RUNX1: variants seen among roughly 807,000 people sequenced by gnomAD.
RUNX1 encodes the protein RUNX family transcription factor 1, also known as runt-related transcription factor 1.
A neutral mutation model predicts 42.8 loss-of-function variants in RUNX1; 19 were observed. That is an observed-to-expected ratio of 0.44 (90% CI 0.31 to 0.65). RUNX1 has a LOEUF of 0.65. Among genes scored for constraint, RUNX1 ranks in the 30% least tolerant of loss-of-function variants. The pLI, the probability that RUNX1 is intolerant of heterozygous loss-of-function variation, is 0.07. For synonymous variants in RUNX1, 271 were observed against 289.4 expected (o/e 0.94, Z 0.64); for missense variants, 528 against 672.0 (o/e 0.79, Z 2.37).
intron 2 of RUNX1, among the ~76,000 whole-genome samples, chr21:34,906,836 T>G (rs1353438948): frequency 6.6e-6 from 1 of 152,166 alleles, no homozygotes; most frequent in African/African-American, 2.4e-5. Flanking sequence ...AGAACCCAGA[T>G]AGATGGATAA....
intron 2 of RUNX1, among the ~76,000 whole-genome samples, chr21:34,983,082 G>C (rs1162315007): frequency 6.6e-6 from 1 of 152,158 alleles, no homozygotes; most frequent in Non-Finnish European, 1.5e-5. Flanking sequence ...ATGTCTGGTA[G>C]GTTACAAAGA....
chr21:34,941,158 C>T (rs190464129), intron 2 of RUNX1, among the ~76,000 whole-genome samples: 3 of 152,338 alleles, frequency 2.0e-5, no homozygotes, highest in African/African-American at 7.2e-5. Flanking sequence ...CCTTCGTCCA[C>T]GATTGTGACA....
chr21:34,856,396 T>C, intron 6 of RUNX1: 1 of 519,036 alleles, frequency 1.9e-6, no homozygotes, highest in Non-Finnish European at 3.8e-6. Context: ...GCCAATCATA[T>C]AAGCCAACTC....
At chr21:34,955,748 C>T (rs547494362) in intron 2 of RUNX1, among the ~76,000 whole-genome samples, 39 of 152,260 alleles carry the variant, frequency 2.6e-4, no homozygotes, top group Non-Finnish European at 4.0e-4. Context: ...GAATGGTGAC[C>T]ACCATGCCTG....
chr21:34,938,497 A>ATCC (rs1266432067), intron 2 of RUNX1, among the ~76,000 whole-genome samples: 1 of 151,688 alleles, frequency 6.6e-6, no homozygotes, highest in Non-Finnish European at 1.5e-5. Flanking sequence ...CTGCTCTGCA[A>ATCC]TCCTCCTCCT....
rs75561675 is a variant in RUNX1 at position 35,007,587 on chromosome 21, C to T, written c.58+41255G>A. Among the ~76,000 whole-genome samples the T allele has an allele frequency of 1.7e-4, 26 of 152,298 alleles. 1 individual carries two copies. The East Asian group carries it at 4.8e-3, about 28-fold the overall frequency. On this transcript the variant is annotated intron_variant, in intron 2 of 8. Transcript: ENST00000675419. ...TTTGTCTCCCTGCAGTGTTTCTCCT[C>T]CAGGATAGCAGCCCTTTTGGGTACC...
rs919478566 is a variant in RUNX1, at chr21:34,870,997, T to C, written c.508+9560A>G. Among the ~76,000 whole-genome samples the C allele has an allele frequency of 2.0e-5, 3 of 152,132 alleles. No homozygotes were observed. In the East Asian group the frequency reaches 5.8e-4, roughly 30 times the overall value. ...CAAAAAAACAAACAGTCCTGAACAG[T>C]CATTCATTCACAGACCATGTATCAG... On this transcript the variant is annotated intron_variant, in intron 5 of 8. Coordinates refer to ENST00000675419, the MANE Select transcript of RUNX1 (RefSeq NM_001754.5).
At chr21:34,969,693 A>G (rs1190292779) in intron 2 of RUNX1, among the ~76,000 whole-genome samples, 1 of 152,124 alleles carries the variant, frequency 6.6e-6, no homozygotes, top group Non-Finnish European at 1.5e-5. Context: ...GCATAAAAAA[A>G]AAACAGCAAA....
intron 7 of RUNX1, among the ~76,000 whole-genome samples, chr21:34,813,928 G>A (rs905523257): frequency 2.0e-5 from 3 of 151,972 alleles, no homozygotes; most frequent in African/African-American, 7.2e-5. Context: ...ACAGAGCAGG[G>A]ACAGACCTTC....
chr21:34,818,972 G>A (rs887501350), intron 7 of RUNX1, among the ~76,000 whole-genome samples: 2 of 152,190 alleles, frequency 1.3e-5, no homozygotes, highest in African/African-American at 4.8e-5. Context: ...GTCCAAGCTG[G>A]GGAGGAGGGG....
At chr21:35,036,105 C>G (rs187459625) in intron 2 of RUNX1, among the ~76,000 whole-genome samples, 3 of 152,018 alleles carry the variant, frequency 2.0e-5, no homozygotes, top group African/African-American at 7.2e-5. Context: ...GGTGGGCCAC[C>G]GAGCCCTGGC....
chr21:34,896,128 G>A (rs1359497148), intron 2 of RUNX1, among the ~76,000 whole-genome samples: 2 of 152,128 alleles, frequency 1.3e-5, no homozygotes, highest in East Asian at 3.9e-4. Flanking sequence ...AACAGAATAG[G>A]AGGTGCTGGT....
chr21:34,914,377 T>C (rs1357919794), intron 2 of RUNX1, among the ~76,000 whole-genome samples: 2 of 152,214 alleles, frequency 1.3e-5, no homozygotes, highest in Non-Finnish European at 2.9e-5. Context: ...AAGGACCTCC[T>C]GACATTTTGG....
chr21:34,982,567 CT>C (rs1569136393), intron 2 of RUNX1, among the ~76,000 whole-genome samples: 1 of 152,080 alleles, frequency 6.6e-6, no homozygotes, highest in Admixed American at 6.5e-5. Context: ...ACTATGTTTA[CT>C]TTTTTTATTT....
intron 3 of RUNX1, among the ~76,000 whole-genome samples, chr21:34,889,382 T>C (rs952905223): frequency 6.6e-6 from 1 of 151,942 alleles, no homozygotes; most frequent in African/African-American, 2.4e-5. Flanking sequence ...GTTTCTGTAA[T>C]GGGTGTTTTT....
At chr21:35,006,957 C>A (rs571190845) in intron 2 of RUNX1, among the ~76,000 whole-genome samples, 1 of 152,158 alleles carries the variant, frequency 6.6e-6, no homozygotes. Flanking sequence ...ATGACACTGT[C>A]ACCCTCTCTA....
At position 35,001,075 on chromosome 21, in the gene RUNX1, G is replaced by A. The variant is rs182624534; in HGVS notation, c.58+47767C>T. ...CTTCCATGCCTGTTTTCTTTTGCTC[G>A]TTCCCTCCATCTACCAGTCATCGAC... is the stretch of plus-strand genomic sequence containing the variant. On this transcript the variant is annotated intron_variant, in intron 2 of 8. Transcript: ENST00000675419. Among the ~76,000 whole-genome samples, 151 of 152,078 alleles carry A rather than the reference G, an allele frequency of 9.9e-4. 1 individual carries two copies. Among genetic ancestry groups the A allele is most frequent in the African/African-American group, 3.4e-3 (140 of 41,470 alleles).
intron 7 of RUNX1, among the ~76,000 whole-genome samples, chr21:34,807,986 C>G (rs1048274446): frequency 2.0e-5 from 3 of 152,240 alleles, no homozygotes; most frequent in Non-Finnish European, 4.4e-5. Flanking sequence ...GGGAGCAAAG[C>G]TCCGGCACAG....
At chr21:34,969,874 G>C (rs566065727) in intron 2 of RUNX1, among the ~76,000 whole-genome samples, 1 of 152,188 alleles carries the variant, frequency 6.6e-6, no homozygotes, top group African/African-American at 2.4e-5. Context: ...CGCTTACTTT[G>C]CAAAATTGAT....
Sources: allele counts gnomAD v4.1 joint callset (sites outside exome capture counted in the v4.1 genomes callset), GRCh38; gene constraint gnomAD v4.1.1; transcripts MANE v1.5; gene names NCBI Gene and HGNC (gene_info 2026-07-23, HGNC 2026-07-21).